The following EXT2 variants were observed in gnomAD, a reference collection of about 807,000 sequenced individuals.
The protein encoded by EXT2 is exostosin glycosyltransferase 2.
Under a neutral mutation model 81.6 loss-of-function variants are expected in EXT2, and 53 were observed. The ratio of observed to expected loss-of-function variants is 0.65; its 90% CI spans 0.52 to 0.82. EXT2 has a LOEUF of 0.82. Ranked by LOEUF, EXT2 falls within the 40% of genes least tolerant of loss-of-function variation. EXT2 has a pLI of 0.00. For synonymous variants in EXT2, 320 were observed against 340.0 expected, an observed-to-expected ratio of 0.94 and a Z score of 0.65; for missense variants, 774 against 910.2, an observed-to-expected ratio of 0.85 and a Z score of 1.93.
intron 1 of EXT2, among the ~76,000 whole-genome samples, chr11:44,106,875 C>T (rs1954063061): frequency 6.6e-6 from 1 of 152,184 alleles, no homozygotes; most frequent in South Asian, 2.1e-4. Flanking sequence ...GTGATCCACC[C>T]ATCTTGGCCT....
rs1000517268 is a variant in EXT2, at chr11:44,246,887, G to T, written c.*2600G>T. ...CATGCTAATTAAAATGTCGTGTTCT[G>T]GCCTACAGCAGACAACAGCTGGTTT... On this transcript the variant is annotated 3_prime_UTR_variant, in exon 14 of 14. Transcript: ENST00000533608. Among the ~76,000 whole-genome samples, 1 of 152,166 alleles carries T rather than the reference G, an allele frequency of 6.6e-6. No homozygotes were observed. Among genetic ancestry groups the T allele is most frequent in the African/African-American group, 2.4e-5 (1 of 41,428 alleles).
chr11:44,179,861 C>T (rs1376027103), intron 8 of EXT2, among the ~76,000 whole-genome samples: 2 of 151,648 alleles, frequency 1.3e-5, no homozygotes, highest in African/African-American at 4.9e-5. Context: ...TTGTGTCTCC[C>T]AATTGATTAA....
intron 7 of EXT2, chr11:44,144,142 C>A: frequency 1.1e-6 from 1 of 939,810 alleles, no homozygotes; most frequent in Non-Finnish European, 1.7e-6. Context: ...CATGGAAAAT[C>A]TCGCCCCAGG....
At chr11:44,187,647 T>C (rs1430575019) in intron 8 of EXT2, among the ~76,000 whole-genome samples, 3 of 152,138 alleles carry the variant, frequency 2.0e-5, no homozygotes, top group Non-Finnish European at 2.9e-5. Flanking sequence ...AATTTTAGAA[T>C]TGGGTGGGAC....
chr11:44,120,012 T>A (rs1215916396), intron 4 of EXT2, among the ~76,000 whole-genome samples: 1 of 152,174 alleles, frequency 6.6e-6, no homozygotes, highest in Non-Finnish European at 1.5e-5. Flanking sequence ...TTAGGACTCT[T>A]AATCCCCTTC....
At position 44,248,020 on chromosome 11, in the gene EXT2, C is replaced by T. The variant is rs906202021; in HGVS notation, c.*3733C>T. 6.6e-6 allele frequency among the ~76,000 whole-genome samples: 1 copy of T among 152,198 alleles called. No individual in the cohort carries two copies. The highest frequency in any genetic ancestry group is 1.5e-5 in the Non-Finnish European group (1 of 68,036). ...GGTTCTGGGAAGGCTCTTCCTAGCT[C>T]TGCAGTTAGATCCTGTGAGGACCCA... On this transcript the variant is annotated 3_prime_UTR_variant, in exon 14 of 14. Transcript: ENST00000533608.
intron 10 of EXT2, among the ~76,000 whole-genome samples, chr11:44,231,611 T>C (rs1390758191): frequency 6.6e-6 from 1 of 152,178 alleles, no homozygotes; most frequent in Non-Finnish European, 1.5e-5. Flanking sequence ...GTTGAGGAAC[T>C]AGCAACAGAG....
intron 6 of EXT2, among the ~76,000 whole-genome samples, chr11:44,127,366 G>A (rs1257351435): frequency 2.6e-5 from 4 of 152,288 alleles, no homozygotes; most frequent in East Asian, 1.9e-4. Flanking sequence ...GGTGACCAGC[G>A]GGCCAGTGAA....
rs536692561 is a variant in EXT2 at position 44,248,968 on chromosome 11, TTTTGTTTGTTTG to T, written c.*4693_*4704del. Among the ~76,000 whole-genome samples the T allele has an allele frequency of 6.6e-6, 1 of 151,946 alleles. No homozygotes were observed. Among genetic ancestry groups the T allele is most frequent in the African/African-American group, 2.4e-5 (1 of 41,336 alleles). ...TTGCAACCATTTCAGGGTAGAGTTT[TTTTGTTTGTTTG>T]TTTGTTTGTTTTTGTTTTTTTTGTT... On this transcript the variant is annotated 3_prime_UTR_variant, in exon 14 of 14. Coordinates refer to ENST00000533608, the MANE Select transcript of EXT2 (RefSeq NM_207122.2).
chr11:44,189,042 G>A (rs919371384), intron 8 of EXT2, among the ~76,000 whole-genome samples: 1 of 152,182 alleles, frequency 6.6e-6, no homozygotes, highest in African/African-American at 2.4e-5. Flanking sequence ...AAAAGCAGCT[G>A]TAGGAAAAAG....
intron 10 of EXT2, among the ~76,000 whole-genome samples, chr11:44,208,086 A>C (rs1284094263): frequency 6.6e-6 from 1 of 152,190 alleles, no homozygotes; most frequent in Non-Finnish European, 1.5e-5. Context: ...ATAGGAGATG[A>C]CTTTTACAGC....
chr11:44,215,601 A>G (rs1341183934), intron 10 of EXT2, among the ~76,000 whole-genome samples: 1 of 152,230 alleles, frequency 6.6e-6, no homozygotes, highest in Non-Finnish European at 1.5e-5. Context: ...CCAGTTAGGT[A>G]AGTCTAGCTA....
At chr11:44,210,894 G>A (rs11037901) in intron 10 of EXT2, among the ~76,000 whole-genome samples, 428 of 152,248 alleles carry the variant, frequency 2.8e-3, no homozygotes, top group Non-Finnish European at 4.5e-3. Context: ...TTCCCAAATT[G>A]TATAGATTCA....
chr11:44,100,620 G>C (rs1203249339), intron 1 of EXT2, among the ~76,000 whole-genome samples: 3 of 152,156 alleles, frequency 2.0e-5, no homozygotes, highest in Non-Finnish European at 4.4e-5. Context: ...ATGAACTCAG[G>C]GTTCATTGTG....
intron 4 of EXT2, among the ~76,000 whole-genome samples, chr11:44,114,782 A>G (rs1026594505): frequency 6.6e-6 from 1 of 151,378 alleles, no homozygotes; most frequent in African/African-American, 2.4e-5. Context: ...GATTCACGTT[A>G]GTCCTTAGCC....
chr11:44,134,772 A>C (rs1056438557), intron 7 of EXT2, among the ~76,000 whole-genome samples: 1 of 152,204 alleles, frequency 6.6e-6, no homozygotes, highest in Non-Finnish European at 1.5e-5. Context: ...TTTATTGGTC[A>C]GTGGCTCCAC....
intron 10 of EXT2, among the ~76,000 whole-genome samples, chr11:44,224,281 G>C (rs1399051591): frequency 6.6e-6 from 1 of 152,016 alleles, no homozygotes. Context: ...ATGTTGGATT[G>C]CCTTTTCTGA....
At chr11:44,098,746 T>C (rs1203243583) in intron 1 of EXT2, among the ~76,000 whole-genome samples, 2 of 148,198 alleles carry the variant, frequency 1.3e-5, no homozygotes, top group Non-Finnish European at 3.0e-5. Flanking sequence ...GCTCTTTGGA[T>C]GTGTTTGCAT....
At position 44,250,700 on chromosome 11, in the gene EXT2, A is replaced by G. The variant is rs1027095558; in HGVS notation, c.*6413A>G. Among the ~76,000 whole-genome samples the G allele has an allele frequency of 2.6e-5, 4 of 152,140 alleles. No individual in the cohort carries two copies. On this transcript the variant is annotated 3_prime_UTR_variant, in exon 14 of 14. Coordinates refer to ENST00000533608, the MANE Select transcript of EXT2 (RefSeq NM_207122.2). ...TGGGCCTCTTTTGAGGAGTCCAGAG[A>G]GCGTCCATCCGGTGCCTGGTGAGGG...
Sources: allele counts gnomAD v4.1 joint callset (sites outside exome capture counted in the v4.1 genomes callset), GRCh38; gene constraint gnomAD v4.1.1; transcripts MANE v1.5; gene names NCBI Gene and HGNC (gene_info 2026-07-23, HGNC 2026-07-21).